Variants in GABRG3 observed in about 807,000 individuals in gnomAD.
GABRG3 encodes the protein gamma-aminobutyric acid type A receptor subunit gamma3.
Under a neutral mutation model 48.8 loss-of-function variants are expected in GABRG3, and 25 were observed. The observed-to-expected ratio is 0.51, with a 90% CI of 0.37 to 0.72. GABRG3 has a LOEUF of 0.72. Ranked by LOEUF, GABRG3 falls within the 30% of genes least tolerant of loss-of-function variation. GABRG3 has a pLI of 0.00. For missense variants in GABRG3, 394 were observed against 577.9 expected (o/e 0.68, Z 3.26); for synonymous variants, 227 against 217.6 (o/e 1.04, Z -0.38).
chr15:27,207,427 C>T (rs1239646003), intron 3 of GABRG3, among the ~76,000 whole-genome samples: 1 of 152,226 alleles, frequency 6.6e-6, no homozygotes, highest in Admixed American at 6.5e-5. Flanking sequence ...CAAAGATTCA[C>T]ATTTTGAAAG....
At chr15:27,461,624 CCGGT>C (rs1889451636) in intron 5 of GABRG3, among the ~76,000 whole-genome samples, 2 of 152,184 alleles carry the variant, frequency 1.3e-5, no homozygotes, top group Non-Finnish European at 2.9e-5. Context: ...TCATATCCTG[CCGGT>C]TGGTCCATTT....
At chr15:27,333,060 T>C (rs947719825) in intron 5 of GABRG3, among the ~76,000 whole-genome samples, 1 of 152,224 alleles carries the variant, frequency 6.6e-6, no homozygotes, top group Non-Finnish European at 1.5e-5. Context: ...AAATTACTTA[T>C]ATGGATGAAT....
chr15:27,180,154 G>A lies in GABRG3; in HGVS notation c.271-146655G>A, dbSNP rs773656797. Among the ~76,000 whole-genome samples, 11 of 152,134 alleles carry A rather than the reference G, an allele frequency of 7.2e-5. No individual in the cohort carries two copies. The highest frequency in any genetic ancestry group is 1.3e-4 in the Non-Finnish European group (9 of 68,024). ...CTCACAAAGAAGTTGTCCAGGCCCG[G>A]GGGGTGAGATACATAAATTGAGCCT... is the stretch of plus-strand genomic sequence containing the variant. On this transcript the variant is annotated intron_variant, in intron 3 of 9. Coordinates refer to ENST00000615808, the MANE Select transcript of GABRG3 (RefSeq NM_033223.5). This position sits in a 1 kb window ranked among gnomAD's most constrained non-coding sequence, Gnocchi z 4.2.
At chr15:27,431,710 G>C (rs79745654) in intron 5 of GABRG3, among the ~76,000 whole-genome samples, 6,792 of 152,230 alleles carry the variant, frequency 0.045, 175 homozygotes, top group Middle Eastern at 0.11. Flanking sequence ...TCTCCTGACT[G>C]CTTTTTTCAT....
At chr15:27,508,911 G>A (rs1012079304) in intron 6 of GABRG3, among the ~76,000 whole-genome samples, 10 of 151,980 alleles carry the variant, frequency 6.6e-5, no homozygotes, top group Non-Finnish European at 1.5e-4. Context: ...AGTAGAGATG[G>A]GGTTTCACCG....
At chr15:27,049,107 T>C (rs892048378) in intron 3 of GABRG3, among the ~76,000 whole-genome samples, 1 of 152,244 alleles carries the variant, frequency 6.6e-6, no homozygotes, top group Non-Finnish European at 1.5e-5. Context: ...GCAGGGTGGC[T>C]GCATGAGCAT....
chr15:27,285,428 T>A (rs932360519), intron 3 of GABRG3, among the ~76,000 whole-genome samples: 1 of 152,146 alleles, frequency 6.6e-6, no homozygotes, highest in African/African-American at 2.4e-5. Flanking sequence ...AACCTCATTG[T>A]TCCACCAGAA....
intron 3 of GABRG3, among the ~76,000 whole-genome samples, chr15:27,039,912 G>A (rs550571762): frequency 1.1e-4 from 16 of 152,272 alleles, no homozygotes; most frequent in African/African-American, 2.4e-4. Flanking sequence ...ACCACTCACC[G>A]AGGAGAATCT....
chr15:27,284,166 GATAAA>G (rs1394309522), intron 3 of GABRG3, among the ~76,000 whole-genome samples: 2 of 152,132 alleles, frequency 1.3e-5, no homozygotes, highest in African/African-American at 4.8e-5. Flanking sequence ...TTTGTGGCCT[GATAAA>G]ATAAATGACA....
intron 3 of GABRG3, among the ~76,000 whole-genome samples, chr15:27,171,523 T>TATATATAC (rs751842058): frequency 2.0e-5 from 3 of 147,074 alleles, no homozygotes; most frequent in African/African-American, 7.6e-5. Context: ...TATATATATA[T>TATATATAC]ACATATACAG....
intron 2 of GABRG3, among the ~76,000 whole-genome samples, chr15:26,980,049 G>C (rs561428735): frequency 9.0e-4 from 137 of 151,864 alleles, no homozygotes; most frequent in African/African-American, 3.1e-3. Flanking sequence ...GGTTGTGGTG[G>C]TTTTTTTCAA....
Position 27,343,208 on chromosome 15 carries a change from C to G in GABRG3, c.574+14320C>G, listed in dbSNP as rs568322844. ...GGGGACTGGGAGCCAGCACCTCCCC[C>G]ACGTGGCAGCTCTAGCAGGGCGAGA... is the stretch of plus-strand genomic sequence containing the variant. On this transcript the variant is annotated intron_variant, in intron 5 of 9. Coordinates refer to ENST00000615808, the MANE Select transcript of GABRG3 (RefSeq NM_033223.5). Among the ~76,000 whole-genome samples, 12 of 152,276 alleles carry G rather than the reference C, an allele frequency of 7.9e-5. No homozygotes were observed. In the East Asian group the frequency reaches 2.1e-3, roughly 27 times the overall value.
intron 3 of GABRG3, among the ~76,000 whole-genome samples, chr15:27,270,299 T>G (rs1003920925): frequency 4.6e-5 from 7 of 152,004 alleles, no homozygotes; most frequent in Non-Finnish European, 1.0e-4. Context: ...TAATTGATTT[T>G]TGTGTGTGTG....
intron 3 of GABRG3, among the ~76,000 whole-genome samples, chr15:27,044,807 G>A (rs1896334834): frequency 6.6e-6 from 1 of 152,342 alleles, no homozygotes; most frequent in South Asian, 2.1e-4. Context: ...TTTGAACCTG[G>A]TTTAACCAGT....
intron 5 of GABRG3, among the ~76,000 whole-genome samples, chr15:27,358,947 G>C (rs987162895): frequency 6.6e-6 from 1 of 152,230 alleles, no homozygotes; most frequent in Non-Finnish European, 1.5e-5. Flanking sequence ...GTCCTGGTAA[G>C]AGGATCTAGG....
At chr15:27,249,452 A>G (rs1890385503) in intron 3 of GABRG3, among the ~76,000 whole-genome samples, 1 of 152,202 alleles carries the variant, frequency 6.6e-6, no homozygotes, top group African/African-American at 2.4e-5. Context: ...TCTCTGTTTT[A>G]TCAATGACAG....
intron 6 of GABRG3, among the ~76,000 whole-genome samples, chr15:27,501,879 T>C (rs11074284): frequency 0.63 from 96,074 of 151,786 alleles, 30,742 homozygotes; most frequent in African/African-American, 0.69. Flanking sequence ...GTGTGGGATG[T>C]GATATTGAGA....
At chr15:27,454,677 G>T (rs996086320) in intron 5 of GABRG3, among the ~76,000 whole-genome samples, 1 of 152,132 alleles carries the variant, frequency 6.6e-6, no homozygotes, top group Admixed American at 6.6e-5. Flanking sequence ...GAACAGTAAG[G>T]CCACAGAAAC....
intron 5 of GABRG3, among the ~76,000 whole-genome samples, chr15:27,340,275 G>A (rs1284155644): frequency 6.6e-6 from 1 of 152,100 alleles, no homozygotes; most frequent in Admixed American, 6.5e-5. Flanking sequence ...TGCGGCCTCT[G>A]GAATTCCCAG....
Sources: allele counts gnomAD v4.1 joint callset (sites outside exome capture counted in the v4.1 genomes callset), GRCh38; gene constraint gnomAD v4.1.1; non-coding constraint Gnocchi (gnomAD v3.1); transcripts MANE v1.5; gene names NCBI Gene and HGNC (gene_info 2026-07-23, HGNC 2026-07-21).